Variants in PDGFRB observed in about 807,000 individuals in gnomAD.
PDGFRB encodes platelet-derived growth factor receptor beta.
PDGFRB carries 42 observed loss-of-function variants against 120.2 expected under a neutral mutation model. The observed-to-expected ratio is 0.35, with a 90% CI of 0.27 to 0.45. PDGFRB has a LOEUF of 0.45. Ranked by LOEUF, PDGFRB falls within the 20% of genes least tolerant of loss-of-function variation. The probability of loss-of-function intolerance (pLI) is 1.00; values close to 1 mark genes in which losing one functional copy is unlikely to be tolerated. For missense variants in PDGFRB, 1,149 were observed against 1,476.3 expected (o/e 0.78, Z 3.63); for synonymous variants, 586 against 606.8 (o/e 0.97, Z 0.50).
chr5:150,138,544 A>G (rs929956871), intron 1 of PDGFRB, among the ~76,000 whole-genome samples: 3 of 152,126 alleles, frequency 2.0e-5, no homozygotes, highest in Non-Finnish European at 4.4e-5. Context: ...TGAGCAAATC[A>G]GCTCTTCTCC....
Position 150,119,451 on chromosome 5 carries a change from A to G in PDGFRB, c.2798+16T>C, listed in dbSNP as rs368247803. The G allele has an allele frequency of 1.5e-5, 21 of 1,425,104 alleles. No homozygotes were observed. Among genetic ancestry groups the G allele is most frequent in the Non-Finnish European group, 2.0e-5 (20 of 1,007,324 alleles). The allele number at this position is 1,425,104 out of a possible 1,614,324, so 88.3% of individuals were successfully genotyped here. On this transcript the variant is annotated intron_variant, in intron 20 of 22. Coordinates refer to ENST00000261799, the MANE Select transcript of PDGFRB (RefSeq NM_002609.4). ...TGCAGCACAAAATCCTCCCAAATGC[A>G]TGAGACTCCACTCACATCTCGTCGG...
intron 2 of PDGFRB, among the ~76,000 whole-genome samples, chr5:150,136,135 A>T (rs1760624116): frequency 6.6e-6 from 1 of 152,174 alleles, no homozygotes; most frequent in Non-Finnish European, 1.5e-5. Flanking sequence ...TGCCATGTGT[A>T]GGCAGTAGGC....
At chr5:150,119,954 G>T in intron 19 of PDGFRB, 58 bp downstream of exon 19, 1 of 883,226 alleles carries the variant, frequency 1.1e-6, no homozygotes, top group Non-Finnish European at 2.0e-6. Flanking sequence ...AGAGGCATGA[G>T]TGGTCGAGGT....
intron 1 of PDGFRB, among the ~76,000 whole-genome samples, chr5:150,151,538 ACT>A (rs1424736376): frequency 5.3e-5 from 8 of 152,100 alleles, no homozygotes; most frequent in Non-Finnish European, 1.0e-4. Context: ...TAGGCAACTG[ACT>A]CTGCGCACTT....
intron 2 of PDGFRB, among the ~76,000 whole-genome samples, chr5:150,136,459 C>T (rs1760635738): frequency 1.3e-5 from 2 of 152,278 alleles, no homozygotes; most frequent in South Asian, 2.1e-4. Context: ...TTTCAGGCCA[C>T]GCCCTCCATG....
intron 1 of PDGFRB, among the ~76,000 whole-genome samples, chr5:150,142,267 G>A (rs1474511601): frequency 2.6e-5 from 4 of 152,166 alleles, no homozygotes; most frequent in African/African-American, 4.8e-5. Context: ...GCAGCTCCCC[G>A]CCTCCAGCCC....
At chr5:150,139,229 G>A (rs1190914499) in intron 1 of PDGFRB, among the ~76,000 whole-genome samples, 3 of 152,198 alleles carry the variant, frequency 2.0e-5, no homozygotes, top group Non-Finnish European at 2.9e-5. Context: ...GTGGGGAGAG[G>A]ACAGGCAGGC....
chr5:150,136,587 C>T (rs1199287938), intron 2 of PDGFRB, among the ~76,000 whole-genome samples: 1 of 152,104 alleles, frequency 6.6e-6, no homozygotes, highest in Non-Finnish European at 1.5e-5. Context: ...TCGCTCAGCC[C>T]CTGCAGAGCT....
rs1760514807 is a variant in PDGFRB at position 150,132,979 on chromosome 5, G to A, written c.935-37C>T. On this transcript the variant is annotated intron_variant, in intron 6 of 22. Transcript: ENST00000261799. This position sits in a 1 kb window ranked among gnomAD's most constrained non-coding sequence, Gnocchi z 5.0. The stretch of plus-strand genomic sequence containing the variant: ...GACCGTCAGGGGCGGGGCCCTGGGG[G>A]CAGGGCACCAACTGAATCCCAAAGG... The A allele has an allele frequency of 6.9e-7, 1 of 1,443,504 alleles. No homozygotes were observed. Among genetic ancestry groups the A allele is most frequent in the South Asian group, 1.3e-5 (1 of 79,412 alleles). The allele number at this position is 1,443,504 out of a possible 1,614,324, so 89.4% of individuals were successfully genotyped here. A position where few individuals can be genotyped will look rare whatever the true frequency, so the allele number is the denominator to read the frequency against.
In PDGFRB at chr5:150,123,073, T is replaced by A. The variant is rs35322465; in HGVS notation, c.2152A>T (p.Asn718Tyr). ...RRPPSAELYS[N>Y]ALPVGLPLPS... The stretch of plus-strand genomic sequence containing the variant: ...AGGGGGAGCCCAACGGGCAGAGCAT[T>A]GCTGTAGAGCTCCGCGCTGGGCGGG... Residue 718 changes from asparagine to tyrosine, a missense_variant, in exon 15 of 23, where the codon AAT (asparagine) becomes TAT (tyrosine). Asn to Tyr is a moderately radical substitution (Grantham distance 143). Around this residue, in one of 3 missense-constraint regions of PDGFRB, gnomAD observed 879 missense variants for 1,108.6 expected, o/e 0.79. Coordinates refer to ENST00000261799, the MANE Select transcript of PDGFRB (RefSeq NM_002609.4). 6 of 1,613,624 alleles carry A rather than the reference T, an allele frequency of 3.7e-6. No homozygotes were observed. The highest frequency in any genetic ancestry group is 4.2e-6 in the Non-Finnish European group (5 of 1,179,984).
chr5:150,142,066 T>C (rs921240281), intron 1 of PDGFRB, among the ~76,000 whole-genome samples: 2 of 152,014 alleles, frequency 1.3e-5, no homozygotes, highest in Non-Finnish European at 2.9e-5. Context: ...CATGGGGTTA[T>C]GGGGTCAGAG....
chr5:150,126,561 T>TG lies in PDGFRB; in HGVS notation c.1632dup (p.Thr545HisfsTer26). 6.2e-7 allele frequency: 1 copy of TG among 1,611,024 alleles called. No homozygotes were observed. Among genetic ancestry groups the TG allele is most frequent in the Middle Eastern group, 1.7e-4 (1 of 6,052 alleles). On this transcript the variant is annotated frameshift_variant, in exon 11 of 23. Coordinates refer to ENST00000261799, the MANE Select transcript of PDGFRB (RefSeq NM_002609.4). LOFTEE classifies it high-confidence loss of function. ...ATGAGGATGATAAGGGAGATGATGG[T>TG]GAGCACCACCAGGGCCAGGATGGCT...
At chr5:150,150,040 GT>G (rs1433174678) in intron 1 of PDGFRB, among the ~76,000 whole-genome samples, 2 of 152,174 alleles carry the variant, frequency 1.3e-5, no homozygotes, top group African/African-American at 4.8e-5. Flanking sequence ...TGAAGAAGTG[GT>G]ATGGCCAAAA....
chr5:150,150,936 C>A (rs774414361), intron 1 of PDGFRB, among the ~76,000 whole-genome samples: 3 of 152,142 alleles, frequency 2.0e-5, no homozygotes, highest in Non-Finnish European at 4.4e-5. Flanking sequence ...CCTTCCTCCC[C>A]GACCCTCCCT....
At chr5:150,119,974 GC>G (rs1760078517) in intron 19 of PDGFRB, 37 bp downstream of exon 19, 2 of 1,029,838 alleles carry the variant, frequency 1.9e-6, no homozygotes, top group East Asian at 4.7e-5. Context: ...TAGACACCAG[GC>G]CAGGATGCTG....
chr5:150,119,430 G>A, intron 20 of PDGFRB, 37 bp downstream of exon 20: 1 of 1,165,736 alleles, frequency 8.6e-7, no homozygotes, highest in Non-Finnish European at 1.3e-6. Flanking sequence ...ATTGTTTGCA[G>A]CACAAAATCC....
At chr5:150,151,748 G>C (rs1333945191) in intron 1 of PDGFRB, among the ~76,000 whole-genome samples, 1 of 151,750 alleles carries the variant, frequency 6.6e-6, no homozygotes, top group Non-Finnish European at 1.5e-5. Flanking sequence ...TGTAATCCCA[G>C]CTACTTGGGA....
Position 150,118,772 on chromosome 5 carries a change from C to A in PDGFRB, c.2879G>T (p.Arg960Ile), listed in dbSNP as rs748647567. The A allele has an allele frequency of 1.2e-6, 2 of 1,612,564 alleles. No homozygotes were observed. The change falls in exon 21 of 23, where the codon AGA becomes ATA. Residue 960 changes from arginine (R) to isoleucine (I), a missense_variant. Physicochemically the swap from Arg to Ile is moderately conservative, Grantham distance 97. Around this residue, in one of 3 missense-constraint regions of PDGFRB, gnomAD observed 202 missense variants for 214.3 expected, o/e 0.94. Coordinates refer to ENST00000261799, the MANE Select transcript of PDGFRB (RefSeq NM_002609.4). ...CTTTTTGTAACCTTCGCCCAACAGT[C>A]TCTCGAGAAGCAGCACCAGCTGGGA... ...PFSQLVLLLERLLGEGYKKKY... is the reference protein window; with the variant it reads ...PFSQLVLLLEILLGEGYKKKY...
At chr5:150,128,317 G>C (rs1229337522) in intron 10 of PDGFRB, among the ~76,000 whole-genome samples, 1 of 152,250 alleles carries the variant, frequency 6.6e-6, no homozygotes, top group Non-Finnish European at 1.5e-5. Flanking sequence ...GTGGGAGCAT[G>C]GGTGAAATGA....
Sources: allele counts gnomAD v4.1 joint callset (sites outside exome capture counted in the v4.1 genomes callset), GRCh38; gene constraint gnomAD v4.1.1; regional missense constraint gnomAD v4.1.1; non-coding constraint Gnocchi (gnomAD v3.1); transcripts MANE v1.5; gene names NCBI Gene and HGNC (gene_info 2026-07-23, HGNC 2026-07-21).